NUMB: variants seen among roughly 807,000 people sequenced by gnomAD.
NUMB encodes NUMB endocytic adaptor protein.
Under a neutral mutation model 59.7 loss-of-function variants are expected in NUMB, and 29 were observed. That is an observed-to-expected ratio of 0.49 (90% CI 0.36 to 0.66). NUMB has a LOEUF of 0.66. Among genes scored for constraint, NUMB ranks in the 30% least tolerant of loss-of-function variants. The pLI is 0.00. For synonymous variants in NUMB, 288 were observed against 288.2 expected (o/e 1.00, Z 0.01); for missense variants, 723 against 822.0 (o/e 0.88, Z 1.47).
intron 11 of NUMB, chr14:73,282,111 G>A (rs147076926): frequency 2.4e-6 from 1 of 419,712 alleles, no homozygotes; most frequent in African/African-American, 2.0e-5. Context: ...TGGGACTACA[G>A]AAATTCCTTA....
chr14:73,279,476 AG>A, intron 11 of NUMB, 52 bp from the exon 12 acceptor site: 1 of 1,513,728 alleles, frequency 6.6e-7, no homozygotes, highest in East Asian at 2.3e-5. Flanking sequence ...AGGGTGTACA[AG>A]TGACCCCTTG....
intron 6 of NUMB, among the ~76,000 whole-genome samples, chr14:73,302,095 A>T (rs1890169475): frequency 6.6e-6 from 1 of 152,170 alleles, no homozygotes; most frequent in Admixed American, 6.5e-5. Flanking sequence ...AAATAAAAAA[A>T]AATAAAAAAA....
Position 73,275,711 on chromosome 14 carries a change from TAAAA to T in NUMB, c.*863_*866del, listed in dbSNP as rs1287931670. 1.3e-5 allele frequency: 2 copies of T among 152,328 alleles called. No homozygotes were observed. The highest frequency in any genetic ancestry group is 3.8e-4 in the East Asian group (2 of 5,200). 9.4% of individuals were successfully genotyped at this position (152,328 alleles called of 1,614,324 possible). ...AGGACAATACTGCTTTTCCTTTATTTAAAAAAAACTACAACCTAGTGACTGTATT... is the reference window on the plus strand; with the variant it reads ...AGGACAATACTGCTTTTCCTTTATTTAAAACTACAACCTAGTGACTGTATT... On this transcript the variant is annotated 3_prime_UTR_variant, in exon 13 of 13. Transcript: ENST00000555238.
chr14:73,343,127 C>T (rs1282295965), intron 4 of NUMB, among the ~76,000 whole-genome samples: 1 of 152,040 alleles, frequency 6.6e-6, no homozygotes, highest in Non-Finnish European at 1.5e-5. Context: ...CTGTGCCTGA[C>T]CACAAAAGTA....
At chr14:73,385,334 G>A (rs1309078511) in intron 2 of NUMB, among the ~76,000 whole-genome samples, 1 of 95,774 alleles carries the variant, frequency 1.0e-5, no homozygotes, top group African/African-American at 3.4e-5. Context: ...TTTTGGTAGA[G>A]ACAGAGTCTC....
intron 2 of NUMB, among the ~76,000 whole-genome samples, chr14:73,382,751 C>G (rs943096735): frequency 6.6e-6 from 1 of 152,110 alleles, no homozygotes. Flanking sequence ...CTATTATTTC[C>G]CATATATGAT....
intron 2 of NUMB, among the ~76,000 whole-genome samples, chr14:73,399,001 A>G (rs1274506099): frequency 6.6e-6 from 1 of 152,218 alleles, no homozygotes; most frequent in Non-Finnish European, 1.5e-5. Context: ...AGAGAAACAT[A>G]CAAGTAAAAT....
chr14:73,402,606 T>C (rs1375644429), intron 2 of NUMB, among the ~76,000 whole-genome samples: 4 of 152,224 alleles, frequency 2.6e-5, no homozygotes, highest in South Asian at 2.1e-4. Context: ...ATATCTTCCA[T>C]TGTAGCACCT....
At chr14:73,363,204 G>T (rs2140037601) in intron 3 of NUMB, among the ~76,000 whole-genome samples, 1 of 152,098 alleles carries the variant, frequency 6.6e-6, no homozygotes, top group East Asian at 1.9e-4. Flanking sequence ...GACCGATACA[G>T]GAGAATCACT....
At chr14:73,398,869 G>T (rs913352925) in intron 2 of NUMB, among the ~76,000 whole-genome samples, 7 of 152,042 alleles carry the variant, frequency 4.6e-5, no homozygotes, top group African/African-American at 9.7e-5. Context: ...CCACAAGTCA[G>T]CAATTCCTTT....
At chr14:73,358,802 T>C (rs1035899940) in intron 3 of NUMB, among the ~76,000 whole-genome samples, 2 of 152,166 alleles carry the variant, frequency 1.3e-5, no homozygotes, top group Admixed American at 1.3e-4. Context: ...CTGCCTGTCA[T>C]ATATAGCATA....
At chr14:73,309,608 C>A (rs550682607) in intron 6 of NUMB, among the ~76,000 whole-genome samples, 1 of 151,674 alleles carries the variant, frequency 6.6e-6, no homozygotes, top group African/African-American at 2.4e-5. Context: ...CTAACACATG[C>A]GGGGTTTAAA....
At chr14:73,426,640 A>T (rs1897594275) in intron 1 of NUMB, among the ~76,000 whole-genome samples, 1 of 152,028 alleles carries the variant, frequency 6.6e-6, no homozygotes, top group Non-Finnish European at 1.5e-5. Flanking sequence ...TGAGGTCAGA[A>T]GTTCGAGAAC....
chr14:73,375,997 G>C (rs1894928258), intron 2 of NUMB, among the ~76,000 whole-genome samples: 1 of 152,086 alleles, frequency 6.6e-6, no homozygotes, highest in African/African-American at 2.4e-5. Context: ...TTAAGATCAA[G>C]AACAAGAAAA....
chr14:73,324,489 G>A lies in NUMB; in HGVS notation c.127-1285C>T, dbSNP rs144650534. On this transcript the variant is annotated intron_variant, in intron 4 of 12. Transcript: ENST00000555238. Reference sequence around the variant, plus strand: ...AATACTGAATGTTCAAAGGGTAGAGGGAAAGTTCTCTTCTCCCCAGCATCA... The same window carrying A: ...AATACTGAATGTTCAAAGGGTAGAGAGAAAGTTCTCTTCTCCCCAGCATCA... 6.1e-3 allele frequency among the ~76,000 whole-genome samples: 935 copies of A among 152,200 alleles called. 3 individuals carry two copies. Among genetic ancestry groups the A allele is most frequent in the Non-Finnish European group, 0.011 (718 of 68,002 alleles).
At chr14:73,398,415 A>AGTGTGTGTGT (rs57407662) in intron 2 of NUMB, among the ~76,000 whole-genome samples, 11 of 118,874 alleles carry the variant, frequency 9.3e-5, no homozygotes, top group South Asian at 2.7e-4. Flanking sequence ...AGAGAGAGAG[A>AGTGTGTGTGT]GTGTGTGTGT....
rs1277572229 is a variant in NUMB at position 73,353,086 on chromosome 14, T to TTTTTTTTTTTG, written c.126+2539_126+2540insCAAAAAAAAAA. ...CAGTTTTTCTTGTTTTTTTTTTTTT[T>TTTTTTTTTTTG]TTTTTTTTTTTTTTTGAGACAGAGT... is the stretch of plus-strand genomic sequence containing the variant. On this transcript the variant is annotated intron_variant, in intron 4 of 12. Transcript: ENST00000555238. Among the ~76,000 whole-genome samples, 3 of 110,282 alleles carry TTTTTTTTTTTG rather than the reference T, an allele frequency of 2.7e-5. 1 individual carries two copies. Among genetic ancestry groups the TTTTTTTTTTTG allele is most frequent in the Non-Finnish European group, 5.7e-5 (3 of 52,614 alleles). 72.3% of individuals were successfully genotyped at this position (110,282 alleles called of 152,430 possible).
At chr14:73,426,329 G>A (rs1355762935) in intron 1 of NUMB, among the ~76,000 whole-genome samples, 2 of 152,178 alleles carry the variant, frequency 1.3e-5, no homozygotes, top group African/African-American at 2.4e-5. Context: ...TGAAGCCAGA[G>A]GCCTACTGGG....
At chr14:73,336,876 T>C (rs535909686) in intron 4 of NUMB, among the ~76,000 whole-genome samples, 38 of 152,276 alleles carry the variant, frequency 2.5e-4, no homozygotes, top group South Asian at 1.2e-3. Flanking sequence ...GAATGTAAAG[T>C]TGGTTGACTA....
Sources: allele counts gnomAD v4.1 joint callset (sites outside exome capture counted in the v4.1 genomes callset), GRCh38; gene constraint gnomAD v4.1.1; transcripts MANE v1.5; gene names NCBI Gene and HGNC (gene_info 2026-07-23, HGNC 2026-07-21).